Variants in MYOM2 observed in about 807,000 individuals in gnomAD.
MYOM2 encodes the protein myomesin-2.
MYOM2 carries 254 observed loss-of-function variants against 187.6 expected under a neutral mutation model. The observed-to-expected ratio is 1.35, with a 90% CI of 1.22 to 1.50. The LOEUF is 1.50. Ranked by LOEUF, MYOM2 falls within the 40% of genes most tolerant of loss-of-function variation. MYOM2 has a pLI of 0.00. For synonymous variants in MYOM2, 981 were observed against 753.8 expected (o/e 1.30, Z -4.94); for missense variants, 2,796 against 1,924.0 (o/e 1.45, Z -8.48).
At chr8:2,130,115 CCCT>C in intron 32 of MYOM2, among the ~76,000 whole-genome samples, 2 of 148,710 alleles carry the variant, frequency 1.3e-5, no homozygotes, top group East Asian at 2.0e-4. Flanking sequence ...TAGTTAACGC[CCCT>C]CAGTACGCTA....
At chr8:2,072,747 C>G (rs2294059) in intron 9 of MYOM2, among the ~76,000 whole-genome samples, 97,220 of 151,808 alleles carry the variant, frequency 0.64, 33,124 homozygotes, top group African/African-American at 0.9. Context: ...ACTGAGCGCT[C>G]GTACAGTGAC....
intron 31 of MYOM2, among the ~76,000 whole-genome samples, chr8:2,127,072 C>A (rs1240960434): frequency 6.6e-6 from 1 of 151,230 alleles, no homozygotes; most frequent in Non-Finnish European, 1.5e-5. Context: ...CCGACCCTCC[C>A]GTGTTCTGCC....
At chr8:2,142,141 A>G (rs1372455645) in intron 34 of MYOM2, among the ~76,000 whole-genome samples, 2 of 152,192 alleles carry the variant, frequency 1.3e-5, no homozygotes, top group African/African-American at 2.4e-5. Flanking sequence ...GGGTTTTAGC[A>G]TCTGGATAAT....
At chr8:2,094,512 C>A (rs1414544403) in intron 17 of MYOM2, among the ~76,000 whole-genome samples, 2 of 152,074 alleles carry the variant, frequency 1.3e-5, no homozygotes. Flanking sequence ...ATCAGCCTGG[C>A]ATGGTGGCGG....
chr8:2,079,904 A>G (rs149338109), intron 13 of MYOM2, among the ~76,000 whole-genome samples: 3,892 of 152,296 alleles, frequency 0.026, 80 homozygotes, highest in Non-Finnish European at 0.038. Flanking sequence ...TAGAGAAGAA[A>G]CCAAACTAAA....
rs1034371632 is a variant in MYOM2, at chr8:2,116,193, A to T, written c.3326-23A>T. ...AGAGAAGCAAACATGTTTCATATAT[A>T]TTTTTTTAAATATTGAATTTAGCAT... On this transcript the variant is annotated intron_variant, in intron 26 of 36. Transcript: ENST00000262113. 8 of 1,596,424 alleles carry T rather than the reference A, an allele frequency of 5.0e-6. No homozygotes were observed. In the East Asian group the frequency reaches 6.8e-5, roughly 14 times the overall value.
intron 25 of MYOM2, among the ~76,000 whole-genome samples, chr8:2,111,109 G>T (rs1010698881): frequency 5.3e-5 from 8 of 152,182 alleles, no homozygotes; most frequent in African/African-American, 1.7e-4. Context: ...TTATTTGCGG[G>T]ATATCTTTTG....
intron 14 of MYOM2, 44 bp downstream of exon 14, chr8:2,085,434 G>C: frequency 1.9e-6 from 3 of 1,601,862 alleles, no homozygotes; most frequent in Non-Finnish European, 2.6e-6. Flanking sequence ...TCTCTGCATG[G>C]CCCCCCACTG....
chr8:2,142,743 T>C (rs1585985151), intron 35 of MYOM2, among the ~76,000 whole-genome samples: 1 of 107,052 alleles, frequency 9.3e-6, no homozygotes, highest in South Asian at 4.0e-4. Context: ...CCTCCCTTCC[T>C]CCCCTCCCTC....
intron 2 of MYOM2, 146 bp from the exon 3 acceptor site, chr8:2,052,012 C>T (rs1188976313): frequency 2.1e-6 from 2 of 937,386 alleles, no homozygotes; most frequent in South Asian, 1.6e-5. Flanking sequence ...GTGCATGCCT[C>T]TCATATGCCT....
At position 2,092,418 on chromosome 8, in the gene MYOM2, G is replaced by A. The variant is rs750892928; in HGVS notation, c.1901G>A (p.Arg634Gln). 22 of 1,614,110 alleles carry A rather than the reference G, an allele frequency of 1.4e-5. 1 individual carries two copies. Among genetic ancestry groups the A allele is most frequent in the Admixed American group, 5.0e-5 (3 of 60,024 alleles). Residue 634 changes from arginine (R) to glutamine (Q), a missense_variant, in exon 16 of 37, where the codon CGA becomes CAA. Coordinates refer to ENST00000262113, the MANE Select transcript of MYOM2 (RefSeq NM_003970.4). ...ACGTCGGTGGTGGTGCAGTGGGACC[G>A]ACCTAAGCATGAGGAGGACCTGCTG... The part of the protein sequence containing the change: ...TKTSVVVQWD[R>Q]PKHEEDLLGY...
rs148956088 is a variant in MYOM2, at chr8:2,050,888, G to T, written c.107+15G>T. 5.2e-5 allele frequency: 82 copies of T among 1,584,306 alleles called. No homozygotes were observed. Among genetic ancestry groups the T allele is most frequent in the Non-Finnish European group, 6.8e-5 (79 of 1,153,660 alleles). On this transcript the variant is annotated intron_variant, in intron 2 of 36. Transcript: ENST00000262113. The stretch of plus-strand genomic sequence containing the variant: ...GCGTCAAAAAAGTAAGCTGACATTC[G>T]CTGATGAGACGCGCAGAGCTTTGAT...
At chr8:2,062,125 A>G (rs1268586452) in intron 6 of MYOM2, among the ~76,000 whole-genome samples, 1 of 152,166 alleles carries the variant, frequency 6.6e-6, no homozygotes, top group Non-Finnish European at 1.5e-5. Context: ...TGAGAGGTGC[A>G]TTGGGGGTCC....
chr8:2,096,148 G>T (rs142309152), intron 17 of MYOM2, 99 bp from the exon 18 acceptor site: 203 of 1,171,608 alleles, frequency 1.7e-4, no homozygotes, highest in Non-Finnish European at 2.4e-4. Flanking sequence ...CCGTCTCCAC[G>T]TTGCTTCCTC....
intron 1 of MYOM2, among the ~76,000 whole-genome samples, chr8:2,045,638 A>G (rs1818287686): frequency 6.6e-6 from 1 of 152,252 alleles, no homozygotes; most frequent in Non-Finnish European, 1.5e-5. Context: ...CCTAGCCTAT[A>G]TTATCCACGG....
chr8:2,047,342 A>G lies in MYOM2; in HGVS notation c.-13+2174A>G, dbSNP rs1049903296. On this transcript the variant is annotated intron_variant, in intron 1 of 36. Transcript: ENST00000262113. ...GAAGTTCTAACATAGGAAGTCCCCC[A>G]AGGAGTGAAGAGATTGCGGAGGGGA... Among the ~76,000 whole-genome samples the G allele has an allele frequency of 6.6e-5, 10 of 152,138 alleles. No homozygotes were observed. The East Asian group carries it at 7.7e-4, about 12-fold the overall frequency.
chr8:2,051,331 T>C (rs562340844), intron 2 of MYOM2, among the ~76,000 whole-genome samples: 1 of 152,238 alleles, frequency 6.6e-6, no homozygotes, highest in African/African-American at 2.4e-5. Flanking sequence ...CAAGAATCCC[T>C]GCCTCTGGGG....
chr8:2,060,995 G>A (rs2129330694), intron 6 of MYOM2, among the ~76,000 whole-genome samples: 1 of 152,250 alleles, frequency 6.6e-6, no homozygotes, highest in Admixed American at 6.5e-5. Context: ...AGCCTCCCCA[G>A]CAGGGTTCTG....
Position 2,098,982 on chromosome 8 carries a change from C to T in MYOM2, c.2439C>T (p.Pro813=), listed in dbSNP as rs376747584. 31 of 1,601,112 alleles carry T rather than the reference C, an allele frequency of 1.9e-5. No homozygotes were observed. The highest frequency in any genetic ancestry group is 1.2e-4 in the Admixed American group (7 of 59,560). The change falls in exon 19 of 37, where the codon CCC becomes CCT. Residue 813 remains proline (P), a splice_region_variant and synonymous_variant. Transcript: ENST00000262113. ...FKCEAWTMPE[P]GPAYDLTFCE... is the part of the protein sequence containing the mutation. ...GTGAGGCCTGGACCATGCCGGAGCC[C>T]GGTGAGTCGCTGCCCCCAGGACACC... is the stretch of plus-strand genomic sequence containing the variant.
Sources: gnomAD v4.1 joint callset for allele counts (sites outside exome capture counted in the v4.1 genomes callset) on GRCh38, gnomAD v4.1.1 for gene constraint, MANE v1.5 for transcripts, NCBI Gene and HGNC (gene_info 2026-07-23, HGNC 2026-07-21) for gene names.